KCNK10: variants seen among roughly 807,000 people sequenced by gnomAD.
The protein encoded by KCNK10 is potassium channel subfamily K member 10.
In KCNK10, 25 loss-of-function variants were observed where a neutral mutation model predicts 47.7. The observed-to-expected ratio is 0.52, with a 90% CI of 0.38 to 0.73. KCNK10 has a LOEUF of 0.73. KCNK10 is among the 30% of genes least tolerant of loss of function. KCNK10 has a pLI of 0.00. For missense variants in KCNK10, 563 were observed against 714.5 expected (o/e 0.79, Z 2.42); for synonymous variants, 303 against 285.6 (o/e 1.06, Z -0.61).
chr14:88,318,593 G>A (rs539839758), intron 1 of KCNK10, among the ~76,000 whole-genome samples: 2 of 152,298 alleles, frequency 1.3e-5, no homozygotes, highest in African/African-American at 2.4e-5. Flanking sequence ...AGCCAACTAC[G>A]TGAAATGCAT....
chr14:88,189,596 G>A (rs1884683779), intron 5 of KCNK10, among the ~76,000 whole-genome samples: 1 of 152,162 alleles, frequency 6.6e-6, no homozygotes, highest in Admixed American at 6.5e-5. Flanking sequence ...TTTATGAGCT[G>A]CTTATCTGGA....
At chr14:88,279,047 C>T (rs1185687578) in intron 1 of KCNK10, among the ~76,000 whole-genome samples, 1 of 152,148 alleles carries the variant, frequency 6.6e-6, no homozygotes, top group African/African-American at 2.4e-5. Flanking sequence ...CATTGAGAAC[C>T]TCCCATGAGG....
At chr14:88,274,771 T>C (rs1193981032) in intron 1 of KCNK10, among the ~76,000 whole-genome samples, 1 of 152,078 alleles carries the variant, frequency 6.6e-6, no homozygotes, top group African/African-American at 2.4e-5. Context: ...ACTTGATGTG[T>C]CATTCATTTG....
Position 88,260,975 on chromosome 14 carries a change from C to T in KCNK10, c.402+2227G>A, listed in dbSNP as rs1384846701. On this transcript the variant is annotated intron_variant, in intron 2 of 6. Transcript: ENST00000319231. The surrounding 1 kb of genome is among the most constrained non-coding windows in gnomAD (Gnocchi z 4.5). ...TGTCCTTCATTCAGGTCTCTGAGCT[C>T]TCTCATAAAGATGAGGGTTAAAGAA... 6.6e-6 allele frequency among the ~76,000 whole-genome samples: 1 copy of T among 152,170 alleles called. No homozygotes were observed. Among genetic ancestry groups the T allele is most frequent in the African/African-American group, 2.4e-5 (1 of 41,428 alleles).
At chr14:88,291,689 A>G (rs765092292) in intron 1 of KCNK10, among the ~76,000 whole-genome samples, 27 of 152,198 alleles carry the variant, frequency 1.8e-4, no homozygotes, top group Non-Finnish European at 2.6e-4. Flanking sequence ...TTCTAGGAGA[A>G]CACATGTGAA....
chr14:88,258,890 T>C (rs1200514554), intron 2 of KCNK10, among the ~76,000 whole-genome samples: 2 of 152,180 alleles, frequency 1.3e-5, no homozygotes, highest in Non-Finnish European at 1.5e-5. Context: ...GAGGGTATCA[T>C]GCTTCTCTGG....
chr14:88,298,398 C>T (rs1209367207), intron 1 of KCNK10, among the ~76,000 whole-genome samples: 1 of 152,138 alleles, frequency 6.6e-6, no homozygotes, highest in East Asian at 1.9e-4. Context: ...CTGTAAAACG[C>T]CTTCCCCTCC....
At chr14:88,268,356 A>T (rs1466712664) in intron 1 of KCNK10, among the ~76,000 whole-genome samples, 1 of 152,172 alleles carries the variant, frequency 6.6e-6, no homozygotes, top group Non-Finnish European at 1.5e-5. Context: ...CAGGGCCCTG[A>T]TCACCAACAC....
In KCNK10 at chr14:88,185,871, C is replaced by A. The variant is rs750081641; in HGVS notation, c.1296G>T (p.Gly432=). The A allele has an allele frequency of 5.0e-6, 8 of 1,614,008 alleles. No homozygotes were observed. The highest frequency in any genetic ancestry group is 5.9e-6 in the Non-Finnish European group (7 of 1,180,030). The change falls in exon 7 of 7, where the codon GGG becomes GGT. Residue 432 remains glycine, a synonymous_variant. Coordinates refer to ENST00000319231, the MANE Select transcript of KCNK10 (RefSeq NM_138317.3). This position sits in a 1 kb window ranked among gnomAD's most constrained non-coding sequence, Gnocchi z 4.3. ...NNRPNNLRLK[G]PEQLNKHGQG... ...GCCCATGCTTGTTCAGCTGCTCCGGCCCCTTCAGGCGCAGGTTGTTGGGCC... is the reference window on the plus strand; with the variant it reads ...GCCCATGCTTGTTCAGCTGCTCCGGACCCTTCAGGCGCAGGTTGTTGGGCC...
chr14:88,209,603 G>A (rs968718503), intron 4 of KCNK10, among the ~76,000 whole-genome samples: 5 of 152,180 alleles, frequency 3.3e-5, no homozygotes, highest in Admixed American at 2.6e-4. Context: ...CTTGATGGCT[G>A]AGGTCCCGTC....
rs34798687 is a variant in KCNK10, at chr14:88,322,362, G to A, written c.52+385C>T. On this transcript the variant is annotated intron_variant, in intron 1 of 6. Transcript: ENST00000319231. This position sits in a 1 kb window ranked among gnomAD's most constrained non-coding sequence, Gnocchi z 4.8. ...GGCGCAGCTCCAGGTCCAGGGGGAA[G>A]CACCCCACCCATCTGCCAGAGAGAC... is the stretch of plus-strand genomic sequence containing the variant. Among the ~76,000 whole-genome samples, 32,856 of 151,832 alleles carry A rather than the reference G, an allele frequency of 0.22. 4,352 individuals carry two copies. Among genetic ancestry groups the A allele is most frequent in the Middle Eastern group, 0.33 (98 of 294 alleles).
chr14:88,276,800 C>T (rs1217262818), intron 1 of KCNK10, among the ~76,000 whole-genome samples: 1 of 152,244 alleles, frequency 6.6e-6, no homozygotes, highest in East Asian at 1.9e-4. Context: ...TTCAAATGGC[C>T]CTTGATGCCC....
chr14:88,315,836 G>C (rs923342970), intron 1 of KCNK10, among the ~76,000 whole-genome samples: 1 of 152,088 alleles, frequency 6.6e-6, no homozygotes, highest in East Asian at 1.9e-4. Context: ...GCACAAGCGA[G>C]AGCAATTGAG....
intron 1 of KCNK10, among the ~76,000 whole-genome samples, chr14:88,267,518 G>A (rs918630178): frequency 6.6e-6 from 1 of 151,758 alleles, no homozygotes; most frequent in Non-Finnish European, 1.5e-5. Context: ...CTACAGGCGT[G>A]CACCACCATG....
intron 1 of KCNK10, chr14:88,270,677 C>T (rs1887383282): frequency 3.8e-6 from 3 of 780,240 alleles, no homozygotes; most frequent in Admixed American, 3.4e-5. Context: ...GAACTGCCTG[C>T]CACCTCATCT....
At chr14:88,219,314 C>A (rs8017492) in intron 4 of KCNK10, among the ~76,000 whole-genome samples, 17,355 of 152,210 alleles carry the variant, frequency 0.11, 2,252 homozygotes, top group African/African-American at 0.32. Flanking sequence ...TTCCAAACCC[C>A]CTTTGCAGCT....
At chr14:88,262,689 T>C (rs1887144527) in intron 2 of KCNK10, among the ~76,000 whole-genome samples, 1 of 152,208 alleles carries the variant, frequency 6.6e-6, no homozygotes, top group African/African-American at 2.4e-5. Context: ...ACTACTACTG[T>C]GATCCATATT....
chr14:88,271,946 G>C (rs1595117031), intron 1 of KCNK10, among the ~76,000 whole-genome samples: 1 of 148,880 alleles, frequency 6.7e-6, no homozygotes, highest in Non-Finnish European at 1.5e-5. Flanking sequence ...AAAAAAGTCA[G>C]AAGCCTCTCC....
intron 1 of KCNK10, among the ~76,000 whole-genome samples, chr14:88,269,115 G>T (rs758198105): frequency 6.6e-6 from 1 of 152,220 alleles, no homozygotes; most frequent in East Asian, 1.9e-4. Context: ...TCCAGCCTGG[G>T]TGACAAGAGA....
Sources: allele counts gnomAD v4.1 joint callset (sites outside exome capture counted in the v4.1 genomes callset), GRCh38; gene constraint gnomAD v4.1.1; non-coding constraint Gnocchi (gnomAD v3.1); transcripts MANE v1.5; gene names NCBI Gene and HGNC (gene_info 2026-07-23, HGNC 2026-07-21).